The following ASIC2 variants were observed in gnomAD, a reference collection of about 807,000 sequenced individuals.
ASIC2 encodes acid sensing ion channel subunit 2.
In ASIC2, 25 loss-of-function variants were observed where a neutral mutation model predicts 57.3. The observed-to-expected ratio is 0.44, with a 90% CI of 0.32 to 0.61. ASIC2 has a LOEUF of 0.61. ASIC2 is among the 20% of genes least tolerant of loss of function. The pLI, the probability that ASIC2 is intolerant of heterozygous loss-of-function variation, is 0.06. For missense variants in ASIC2, 641 were observed against 738.1 expected (o/e 0.87, Z 1.52); for synonymous variants, 319 against 307.5 (o/e 1.04, Z -0.39).
chr17:33,910,314 C>G (rs1035275261), intron 1 of ASIC2, among the ~76,000 whole-genome samples: 1 of 152,108 alleles, frequency 6.6e-6, no homozygotes, highest in Non-Finnish European at 1.5e-5. Context: ...GAGAGAGATG[C>G]TATTACTTAT....
intron 1 of ASIC2, among the ~76,000 whole-genome samples, chr17:33,714,661 A>T (rs1909154067): frequency 6.6e-6 from 1 of 152,174 alleles, no homozygotes; most frequent in Admixed American, 6.5e-5. Context: ...TAGGCTTTGG[A>T]GGGAGAACAA....
intron 1 of ASIC2, among the ~76,000 whole-genome samples, chr17:34,021,837 G>GTTTTTTTTTTTTTTTTTT (rs11394863): frequency 1.7e-5 from 2 of 118,340 alleles, no homozygotes; most frequent in African/African-American, 3.1e-5. Context: ...GTTTTGTTTT[G>GTTTTTTTTTTTTTTTTTT]TTTTTTTTTT....
chr17:34,049,788 C>T (rs1347951289), intron 1 of ASIC2, among the ~76,000 whole-genome samples: 2 of 152,220 alleles, frequency 1.3e-5, no homozygotes. Flanking sequence ...GAGAATCTTC[C>T]TCCGACAGGA....
intron 1 of ASIC2, among the ~76,000 whole-genome samples, chr17:33,558,054 C>A (rs993700345): frequency 3.9e-5 from 6 of 151,936 alleles, no homozygotes; most frequent in Non-Finnish European, 8.8e-5. Context: ...AACATTTGGG[C>A]CTTCTTGGTA....
At chr17:33,019,578 G>A (rs1355960782) in intron 7 of ASIC2, among the ~76,000 whole-genome samples, 2 of 152,048 alleles carry the variant, frequency 1.3e-5, no homozygotes, top group African/African-American at 4.8e-5. Context: ...ACCAGGAGGT[G>A]AGAAAGGGCC....
Position 33,543,076 on chromosome 17 carries a change from A to C in ASIC2, c.556-431009T>G, listed in dbSNP as rs1161899126. Among the ~76,000 whole-genome samples the C allele has an allele frequency of 4.1e-5, 6 of 145,832 alleles. No homozygotes were observed. The Admixed American group carries it at 4.2e-4, about 10-fold the overall frequency. ...CCGCATATTCTCACTTATAGGTGGGAATTGAACAATGAGATCACATGGACA... is the reference window on the plus strand; with the variant it reads ...CCGCATATTCTCACTTATAGGTGGGCATTGAACAATGAGATCACATGGACA... On this transcript the variant is annotated intron_variant, in intron 1 of 9. Transcript: ENST00000359872.
At chr17:33,982,675 C>A (rs1020700898) in intron 1 of ASIC2, among the ~76,000 whole-genome samples, 1 of 152,162 alleles carries the variant, frequency 6.6e-6, no homozygotes, top group Non-Finnish European at 1.5e-5. Flanking sequence ...AAATTCCTAT[C>A]TACCTTTGAA....
chr17:33,973,560 C>T (rs530109673), intron 1 of ASIC2, among the ~76,000 whole-genome samples: 11 of 152,242 alleles, frequency 7.2e-5, no homozygotes. Flanking sequence ...CTCTAACTTT[C>T]AATTACAGTG....
At chr17:33,935,386 A>C (rs546290800) in intron 1 of ASIC2, 1 of 152,362 alleles carries the variant, frequency 6.6e-6, no homozygotes, top group African/African-American at 2.4e-5. Context: ...GAGAGCAAAG[A>C]CAGTGTGTAA....
intron 1 of ASIC2, among the ~76,000 whole-genome samples, chr17:33,538,322 T>G (rs4795803): frequency 0.54 from 81,620 of 151,816 alleles, 21,954 homozygotes; most frequent in East Asian, 0.6. Flanking sequence ...TGAGAAGAGG[T>G]TAGGAGGTAT....
At chr17:33,520,777 G>A (rs1914717521) in intron 1 of ASIC2, among the ~76,000 whole-genome samples, 1 of 152,210 alleles carries the variant, frequency 6.6e-6, no homozygotes, top group African/African-American at 2.4e-5. Context: ...TTCCTGTCTT[G>A]GAGTTCTGAG....
intron 1 of ASIC2, among the ~76,000 whole-genome samples, chr17:33,960,941 A>G (rs1198759100): frequency 1.3e-5 from 2 of 152,140 alleles, no homozygotes; most frequent in African/African-American, 4.8e-5. Flanking sequence ...AGACCCAACA[A>G]ATAAATATTT....
intron 1 of ASIC2, among the ~76,000 whole-genome samples, chr17:34,088,338 G>A (rs563270268): frequency 1.5e-4 from 23 of 152,088 alleles, no homozygotes; most frequent in Admixed American, 2.6e-4. Context: ...TATCAGCAGC[G>A]GTGTTTGCAG....
intron 1 of ASIC2, among the ~76,000 whole-genome samples, chr17:33,750,008 C>T (rs927689761): frequency 1.3e-5 from 2 of 152,176 alleles, no homozygotes; most frequent in Non-Finnish European, 2.9e-5. Context: ...CAGCCTCCCT[C>T]TTTGATCTAA....
chr17:33,737,088 A>G (rs918270761), intron 1 of ASIC2, among the ~76,000 whole-genome samples: 2 of 152,272 alleles, frequency 1.3e-5, no homozygotes, highest in Non-Finnish European at 2.9e-5. Context: ...CTGTATTGGT[A>G]GACACTGACA....
At chr17:33,940,438 G>A (rs1189265384) in intron 1 of ASIC2, among the ~76,000 whole-genome samples, 1 of 152,116 alleles carries the variant, frequency 6.6e-6, no homozygotes, top group Non-Finnish European at 1.5e-5. Context: ...ACCCCACAGT[G>A]GGCCTAAAGG....
In ASIC2 at chr17:34,156,568, T is replaced by G; in HGVS notation, c.-36A>C. The G allele has an allele frequency of 6.5e-7, 1 of 1,537,526 alleles. No homozygotes were observed. Among genetic ancestry groups the G allele is most frequent in the African/African-American group, 1.4e-5 (1 of 72,758 alleles). On this transcript the variant is annotated 5_prime_UTR_variant, in exon 1 of 10. Coordinates refer to the ASIC2 transcript ENST00000359872. This position sits in a 1 kb window ranked among gnomAD's most constrained non-coding sequence, Gnocchi z 4.4. ...TGCAGTTCCGCAACTGGCTTCAGGTTGATCGAATTTCAGAGAAGAGCTCCC... is the reference window on the plus strand; with the variant it reads ...TGCAGTTCCGCAACTGGCTTCAGGTGGATCGAATTTCAGAGAAGAGCTCCC...
rs1035679509 is a variant in ASIC2 at position 33,699,884 on chromosome 17, A to G, written c.555+456094T>C. Among the ~76,000 whole-genome samples, 6 of 152,258 alleles carry G rather than the reference A, an allele frequency of 3.9e-5. No individual in the cohort carries two copies. The East Asian group carries it at 7.7e-4, about 20-fold the overall frequency. Reference sequence around the variant, plus strand: ...TGAACTTACAGCATGAGAGGAGTACATATAAACTGACTACAGGACTTTCGT... The same window carrying G: ...TGAACTTACAGCATGAGAGGAGTACGTATAAACTGACTACAGGACTTTCGT... On this transcript the variant is annotated intron_variant, in intron 1 of 9. Transcript: ENST00000359872.
chr17:33,716,484 T>C (rs1455370538), intron 1 of ASIC2, among the ~76,000 whole-genome samples: 1 of 152,174 alleles, frequency 6.6e-6, no homozygotes. Flanking sequence ...AGAGTTGGGC[T>C]CAAAGTGGGA....
Sources: gnomAD v4.1 joint callset for allele counts (sites outside exome capture counted in the v4.1 genomes callset) on GRCh38, gnomAD v4.1.1 for gene constraint, Gnocchi (gnomAD v3.1) non-coding constraint, MANE v1.5 for transcripts, NCBI Gene and HGNC (gene_info 2026-07-23, HGNC 2026-07-21) for gene names.